The following WNT5B variants were observed in gnomAD, a reference collection of about 807,000 sequenced individuals.
The protein encoded by WNT5B is protein Wnt-5b.
In WNT5B, 18 loss-of-function variants were observed where a neutral mutation model predicts 36.5. The ratio of observed to expected loss-of-function variants is 0.49; its 90% CI spans 0.34 to 0.73. The LOEUF (loss-of-function observed/expected upper bound fraction) is 0.73, where lower values mean the gene tolerates loss of function less well. Among genes scored for constraint, WNT5B ranks in the 30% least tolerant of loss-of-function variants. The probability of loss-of-function intolerance (pLI) is 0.01; values close to 1 mark genes in which losing one functional copy is unlikely to be tolerated. For synonymous variants in WNT5B, 213 were observed against 212.3 expected (o/e 1.00, Z -0.03); for missense variants, 424 against 508.4 (o/e 0.83, Z 1.60).
chr12:1,639,621 G>GA (rs1365535098), intron 3 of WNT5B, 63 bp from the exon 4 acceptor site: 21 of 1,430,146 alleles, frequency 1.5e-5, no homozygotes, highest in Non-Finnish European at 1.9e-5. Context: ...GGGAGACGGG[G>GA]GGAAGGACAG....
At chr12:1,629,554 G>A (rs530194106) in intron 1 of WNT5B, among the ~76,000 whole-genome samples, 183 bp downstream of exon 1, 91 of 152,180 alleles carry the variant, frequency 6.0e-4, no homozygotes, top group African/African-American at 1.8e-3. Context: ...GCGGGGAGGA[G>A]GCTGGAGAAG....
chr12:1,645,723 C>T, intron 4 of WNT5B, 71 bp from the exon 5 acceptor site: 1 of 1,468,112 alleles, frequency 6.8e-7, no homozygotes. Flanking sequence ...AGGCCTGTGG[C>T]TACCCCAGCC....
At chr12:1,631,513 T>C in intron 2 of WNT5B, 79 bp downstream of exon 2, 1 of 1,605,694 alleles carries the variant, frequency 6.2e-7, no homozygotes. Flanking sequence ...AAGGGCACCG[T>C]GTGTCACGGT....
At chr12:1,643,297 A>G (rs751649862) in intron 4 of WNT5B, among the ~76,000 whole-genome samples, 3 of 152,168 alleles carry the variant, frequency 2.0e-5, no homozygotes, top group Non-Finnish European at 4.4e-5. Flanking sequence ...CAGGCTCAGC[A>G]CACCATTAGA....
In WNT5B at chr12:1,633,771, T is replaced by TC. The variant is rs2154439610; in HGVS notation, c.328+870dup. Among the ~76,000 whole-genome samples the TC allele has an allele frequency of 6.6e-6, 1 of 152,288 alleles. No individual in the cohort carries two copies. Among genetic ancestry groups the TC allele is most frequent in the East Asian group, 1.9e-4 (1 of 5,170 alleles). On this transcript the variant is annotated intron_variant, in intron 3 of 4. Coordinates refer to ENST00000397196, the MANE Select transcript of WNT5B (RefSeq NM_032642.3). This position sits in a 1 kb window ranked among gnomAD's most constrained non-coding sequence, Gnocchi z 4.8. ...CAAAAGGTTACCTGAGGCTGGAGTT[T>TC]CCCCAGAGAGGGATTTCAGCCTGGG...
chr12:1,626,784 C>T (rs2094541857), upstream of WNT5B, among the ~76,000 whole-genome samples: 1 of 151,900 alleles, frequency 6.6e-6, no homozygotes, highest in South Asian at 2.1e-4. Flanking sequence ...CCAGGATGGT[C>T]TCGATCTCCT....
At chr12:1,636,548 T>G (rs1023658504) in intron 3 of WNT5B, among the ~76,000 whole-genome samples, 4 of 130,490 alleles carry the variant, frequency 3.1e-5, no homozygotes, top group African/African-American at 1.1e-4. Context: ...TATACTTTTT[T>G]TTTTTTTTTT....
At chr12:1,641,431 G>T (rs2240509) in intron 4 of WNT5B, among the ~76,000 whole-genome samples, 1 of 150,992 alleles carries the variant, frequency 6.6e-6, no homozygotes, top group Non-Finnish European at 1.5e-5. Context: ...GAAGTTTAAC[G>T]GTGGCACCCT....
In WNT5B at chr12:1,637,600, A is replaced by C. The variant is rs1316355008; in HGVS notation, c.329-2084A>C. 2.3e-5 allele frequency among the ~76,000 whole-genome samples: 3 copies of C among 132,738 alleles called. No homozygotes were observed. The East Asian group carries it at 7.1e-4, about 31-fold the overall frequency. 87.1% of individuals were successfully genotyped at this position (132,738 alleles called of 152,430 possible). On this transcript the variant is annotated intron_variant, in intron 3 of 4. Coordinates refer to ENST00000397196, the MANE Select transcript of WNT5B (RefSeq NM_032642.3). The stretch of plus-strand genomic sequence containing the variant: ...AACATACAAAAAAAAAAAAAAAAAA[A>C]CTAGCCAGGCGCGGTGGCAGGTGCC...
intron 4 of WNT5B, among the ~76,000 whole-genome samples, chr12:1,641,259 A>G (rs1379350686): frequency 1.3e-5 from 2 of 151,832 alleles, no homozygotes; most frequent in African/African-American, 4.8e-5. Flanking sequence ...GGTGGCAGGC[A>G]CCTGTAATCC....
intron 4 of WNT5B, among the ~76,000 whole-genome samples, chr12:1,641,561 G>C (rs1216704728): frequency 6.6e-6 from 1 of 152,108 alleles, no homozygotes; most frequent in African/African-American, 2.4e-5. Flanking sequence ...CCAACACTTT[G>C]GGAGGCTGAG....
upstream of WNT5B, among the ~76,000 whole-genome samples, chr12:1,624,611 C>T (rs2094538625): frequency 6.6e-6 from 1 of 152,076 alleles, no homozygotes; most frequent in Admixed American, 6.6e-5. Context: ...AGATGTGAAA[C>T]ATTTAGTGCA....
chr12:1,640,398 G>T (rs530571650), intron 4 of WNT5B, among the ~76,000 whole-genome samples: 2 of 152,160 alleles, frequency 1.3e-5, no homozygotes, highest in Non-Finnish European at 2.9e-5. Context: ...TCTGGTAATA[G>T]CAGAGTCGAC....
upstream of WNT5B, among the ~76,000 whole-genome samples, chr12:1,628,295 G>A (rs1486748668): frequency 6.6e-6 from 1 of 151,996 alleles, no homozygotes; most frequent in South Asian, 2.1e-4. Context: ...AGCTGCGACT[G>A]CAGGCATGTG....
At chr12:1,627,886 A>G (rs2094543390), upstream of WNT5B, among the ~76,000 whole-genome samples, 1 of 152,070 alleles carries the variant, frequency 6.6e-6, no homozygotes, top group Admixed American at 6.6e-5. This position sits in a 1 kb window ranked among gnomAD's most constrained non-coding sequence, Gnocchi z 5.0. Context: ...TCCTCATAGT[A>G]TTCACTGGAC....
intron 1 of WNT5B, among the ~76,000 whole-genome samples, chr12:1,623,401 T>C (rs1333395751): frequency 1.3e-5 from 2 of 151,622 alleles, no homozygotes; most frequent in Non-Finnish European, 2.9e-5. Flanking sequence ...TTCACCGTGT[T>C]AGCCAGGATG....
At chr12:1,617,609 C>T (rs2094528575) in intron 1 of WNT5B, among the ~76,000 whole-genome samples, 1 of 151,574 alleles carries the variant, frequency 6.6e-6, no homozygotes, top group Non-Finnish European at 1.5e-5. Flanking sequence ...CCAGCCTGAG[C>T]AACACAGTGA....
chr12:1,631,249 C>T lies in WNT5B; in HGVS notation c.-57-49C>T, dbSNP rs2094550192. On this transcript the variant is annotated intron_variant, in intron 1 of 4. Transcript: ENST00000397196. ...CGCCTCACCCCGGCTCCTGGTCTGCCCTTATCCGCTGAGTTTCCACACTGA... is the reference window on the plus strand; with the variant it reads ...CGCCTCACCCCGGCTCCTGGTCTGCTCTTATCCGCTGAGTTTCCACACTGA... 38 of 1,537,146 alleles carry T rather than the reference C, an allele frequency of 2.5e-5. No individual in the cohort carries two copies. The South Asian group carries it at 4.4e-4, about 18-fold the overall frequency.
Position 1,646,255 on chromosome 12 carries a change from C to T in WNT5B, c.*3C>T, listed in dbSNP as rs369888088. 4.7e-5 allele frequency: 76 copies of T among 1,603,246 alleles called. No homozygotes were observed. The highest frequency in any genetic ancestry group is 3.0e-4 in the Admixed American group (18 of 59,486). The stretch of plus-strand genomic sequence containing the variant: ...TGGACCAGTACATCTGTAAATAGCC[C>T]GGAGGGCCTGCTCCCGGCCCCCCTG... On this transcript the variant is annotated 3_prime_UTR_variant, in exon 5 of 5. Coordinates refer to ENST00000397196, the MANE Select transcript of WNT5B (RefSeq NM_032642.3).
Sources: gnomAD v4.1 joint callset for allele counts (sites outside exome capture counted in the v4.1 genomes callset) on GRCh38, gnomAD v4.1.1 for gene constraint, Gnocchi (gnomAD v3.1) non-coding constraint, MANE v1.5 for transcripts, NCBI Gene and HGNC (gene_info 2026-07-23, HGNC 2026-07-21) for gene names.